Variants in MUC6 observed in about 807,000 individuals in gnomAD.
MUC6 encodes mucin 6, oligomeric mucus/gel-forming (gene/pseudogene), also known as mucin-6.
In MUC6, 188 loss-of-function variants were observed where a neutral mutation model predicts 201.5. The observed-to-expected ratio is 0.93, with a 90% CI of 0.83 to 1.05. MUC6 has a LOEUF of 1.05. MUC6 is among the 50% of genes least tolerant of loss of function. The probability of loss-of-function intolerance (pLI) is 0.00; values close to 1 mark genes in which losing one functional copy is unlikely to be tolerated. For missense variants in MUC6, 2,706 were observed against 3,256.9 expected (o/e 0.83, Z 4.12); for synonymous variants, 1,228 against 1,389.4 (o/e 0.88, Z 2.58).
intron 31 of MUC6, among the ~76,000 whole-genome samples, chr11:1,014,735 C>T (rs868036599): frequency 6.6e-6 from 1 of 152,174 alleles, no homozygotes; most frequent in African/African-American, 2.4e-5. Flanking sequence ...AGCTTCGTTT[C>T]CTGGCTGCAG....
In MUC6 at chr11:1,031,801, C is replaced by A; in HGVS notation, c.356+12G>T. 1 of 1,588,608 alleles carries A rather than the reference C, an allele frequency of 6.3e-7. No homozygotes were observed. Among genetic ancestry groups the A allele is most frequent in the Non-Finnish European group, 8.6e-7 (1 of 1,168,280 alleles). On this transcript the variant is annotated intron_variant, in intron 3 of 32. Coordinates refer to ENST00000421673, the MANE Select transcript of MUC6 (RefSeq NM_005961.3). ...GCCCCCGAGCCCCCGGGCCCCGGCC[C>A]ACCTGACCTACCCGATGTCCTTGAC...
intron 21 of MUC6, 25 bp downstream of exon 21, chr11:1,025,975 C>G (rs367677082): frequency 6.3e-6 from 10 of 1,589,266 alleles, no homozygotes; most frequent in South Asian, 1.1e-5. Flanking sequence ...TCCCCGGCCC[C>G]TGCGGCCTGG....
At chr11:1,030,388 T>A in intron 7 of MUC6, 53 bp from the exon 8 acceptor site, 2 of 535,426 alleles carry the variant, frequency 3.7e-6, no homozygotes, top group Non-Finnish European at 5.1e-6. Context: ...CACCCCTCCC[T>A]GCCCCACCCC....
chr11:1,034,068 C>G (rs1201718028), intron 1 of MUC6, among the ~76,000 whole-genome samples: 1 of 152,192 alleles, frequency 6.6e-6, no homozygotes, highest in Non-Finnish European at 1.5e-5. Context: ...CGCTGGACAC[C>G]TGTGTCTCCG....
chr11:1,027,349 C>A lies in MUC6; in HGVS notation c.2150G>T (p.Arg717Leu), dbSNP rs373330810. ...TYLNQKGECV[R>L]KAQCPCILEG... ...CAGTATGCACGGGCACTGGGCCTTG[C>A]GCACACACTCGCCCTTTTGGTTCAG... The change falls in exon 17 of 33, where the codon CGC becomes CTC. Residue 717 changes from arginine (R) to leucine (L), a missense_variant. By Grantham distance (102) the Arg-to-Leu change is moderately radical. This residue lies in a region of MUC6 where 1,850 missense variants were observed against 1,958.3 expected (regional missense o/e 0.94). Coordinates refer to ENST00000421673, the MANE Select transcript of MUC6 (RefSeq NM_005961.3). The A allele has an allele frequency of 6.2e-7, 1 of 1,612,972 alleles. No individual in the cohort carries two copies. Among genetic ancestry groups the A allele is most frequent in the Non-Finnish European group, 8.5e-7 (1 of 1,179,848 alleles).
Position 1,026,130 on chromosome 11 carries a change from C to T in MUC6, c.2558G>A (p.Arg853Lys), listed in dbSNP as rs1856953953. ...GCCCTGCTGACAGGCCCACCTCCCC[C>T]TTGAGCAGGAGCTGTGGAGACAGCA... ...HTDCRTCSCS[R>K]GRWACQQGTH... Residue 853 changes from arginine to lysine, a missense_variant, in exon 21 of 33, where the codon AGG (arginine) becomes AAG (lysine). Arg to Lys is a conservative substitution (Grantham distance 26, BLOSUM62 2). This residue lies in a region of MUC6 where 1,850 missense variants were observed against 1,958.3 expected (regional missense o/e 0.94). Transcript: ENST00000421673. The T allele has an allele frequency of 5.0e-6, 8 of 1,597,128 alleles. No homozygotes were observed. The highest frequency in any genetic ancestry group is 6.0e-6 in the Non-Finnish European group (7 of 1,172,944).
chr11:1,016,371 A>T lies in MUC6; in HGVS notation c.6430T>A (p.Tyr2144Asn), dbSNP rs376333677. 1 of 1,612,264 alleles carries T rather than the reference A, an allele frequency of 6.2e-7. No homozygotes were observed. The highest frequency in any genetic ancestry group is 1.3e-5 in the African/African-American group (1 of 74,828). ...GGAGAGGAGTGGGAGGAGGGCACATAAGAAGAAACAGTAGAGGGGGCAGAA... is the reference window on the plus strand; with the variant it reads ...GGAGAGGAGTGGGAGGAGGGCACATTAGAAGAAACAGTAGAGGGGGCAGAA... ...SPSAPSTVSS[Y>N]VPSSHSSPQT... Residue 2144 changes from tyrosine (Y) to asparagine (N), a missense_variant, in exon 31 of 33, where the codon TAT (tyrosine) becomes AAT (asparagine). Tyr to Asn is a moderately radical substitution (Grantham distance 143). Around this residue, in one of 10 missense-constraint regions of MUC6, gnomAD observed 586 missense variants for 488.0 expected, o/e 1.20. Transcript: ENST00000421673.
chr11:1,031,131 G>A, intron 5 of MUC6, 38 bp downstream of exon 5: 1 of 1,134,860 alleles, frequency 8.8e-7, no homozygotes, highest in Non-Finnish European at 1.2e-6. Flanking sequence ...CCCACCTAGA[G>A]GCCCCCCCAG....
At chr11:1,022,704 C>T (rs576424304) in intron 26 of MUC6, among the ~76,000 whole-genome samples, 5 of 152,236 alleles carry the variant, frequency 3.3e-5, no homozygotes, top group Non-Finnish European at 7.3e-5. Flanking sequence ...GACCTGGAGC[C>T]GGCCTGGAGG....
In MUC6 at chr11:1,016,189, G is replaced by A; in HGVS notation, c.6612C>T (p.Ala2204=). The part of the protein sequence containing the change: ...ASPLFPSSPA[A]STTIRATLPH... Reference sequence around the variant, plus strand: ...GGAGAGTGGCCCTAATGGTAGTAGAGGCAGCTGGAGAAGAAGGAAAAAGAG... The same window carrying A: ...GGAGAGTGGCCCTAATGGTAGTAGAAGCAGCTGGAGAAGAAGGAAAAAGAG... Residue 2204 remains alanine (A), a synonymous_variant, in exon 31 of 33, where the codon GCC becomes GCT. Transcript: ENST00000421673. The A allele has an allele frequency of 1.2e-6, 2 of 1,613,426 alleles. No individual in the cohort carries two copies. Among genetic ancestry groups the A allele is most frequent in the East Asian group, 4.5e-5 (2 of 44,882 alleles).
intron 29 of MUC6, 173 bp downstream of exon 29, chr11:1,019,917 G>GT (rs1180492773): frequency 1.0e-5 from 9 of 899,192 alleles, no homozygotes; most frequent in Non-Finnish European, 1.4e-5. Flanking sequence ...GTCTTTAAAA[G>GT]TTTTTCCGAA....
chr11:1,015,910 G>C lies in MUC6; in HGVS notation c.6891C>G (p.Thr2297=). Residue 2297 remains threonine (T), a synonymous_variant, in exon 31 of 33, where the codon ACC becomes ACG. Transcript: ENST00000421673. ...SLTSGVTGIP[T]SPVTNLTTRH... ...TGGTGGTAAGGTTGGTGACTGGAGA[G>C]GTGGGGATACCCGTCACCCCCGAGG... 1.2e-6 allele frequency: 2 copies of C among 1,606,740 alleles called. No individual in the cohort carries two copies. The highest frequency in any genetic ancestry group is 1.1e-5 in the South Asian group (1 of 89,690).
Position 1,031,724 on chromosome 11 carries a change from G to C in MUC6, c.366C>G (p.Ser122Arg). 1 of 1,550,620 alleles carries C rather than the reference G, an allele frequency of 6.4e-7. No individual in the cohort carries two copies. Among genetic ancestry groups the C allele is most frequent in the Non-Finnish European group, 8.7e-7 (1 of 1,146,938 alleles). ...GGAGTCCATTGCTGGTATAGGGCAG[G>C]CTGATGACCCTGTGGGGCAAGGGAA... Reference protein sequence around the residue: ...IISVKDIGVISLPYTSNGLQI... With the variant: ...IISVKDIGVIRLPYTSNGLQI... Residue 122 changes from serine to arginine, a missense_variant, in exon 4 of 33, where the codon AGC becomes AGG. Transcript: ENST00000421673.
chr11:1,022,600 C>T (rs548430572), intron 26 of MUC6, among the ~76,000 whole-genome samples: 3 of 152,288 alleles, frequency 2.0e-5, no homozygotes, highest in South Asian at 2.1e-4. Context: ...GCGCCTCGGC[C>T]GACACTGGGT....
At position 1,030,733 on chromosome 11, in the gene MUC6, G is replaced by A. The variant is rs1408285997; in HGVS notation, c.732C>T (p.Ser244=). The change falls in exon 7 of 33, where the codon AGC becomes AGT. Residue 244 remains serine, a synonymous_variant. Transcript: ENST00000421673. ...QLLTLVAPEC[S]VSKEPFVLSC... The stretch of plus-strand genomic sequence containing the variant: ...TTAGCACGAAGGGCTCCTTGGACAC[G>A]CTGCACTCAGGGGCCACCAGGGTCA... 1 of 1,542,860 alleles carries A rather than the reference G, an allele frequency of 6.5e-7. No homozygotes were observed. Among genetic ancestry groups the A allele is most frequent in the Non-Finnish European group, 8.7e-7 (1 of 1,147,740 alleles).
chr11:1,016,145 G>A lies in MUC6; in HGVS notation c.6656C>T (p.Pro2219Leu), dbSNP rs200830518. 1.2e-6 allele frequency: 2 copies of A among 1,613,726 alleles called. No homozygotes were observed. Among genetic ancestry groups the A allele is most frequent in the Admixed American group, 1.7e-5 (1 of 59,994 alleles). The change falls in exon 31 of 33, where the codon CCT (proline) becomes CTT (leucine). Residue 2219 changes from proline to leucine, a missense_variant. By Grantham distance (98) the Pro-to-Leu change is moderately conservative. Coordinates refer to ENST00000421673, the MANE Select transcript of MUC6 (RefSeq NM_005961.3). ...RATLPHTISS[P>L]FTLSALLPIS... The stretch of plus-strand genomic sequence containing the variant: ...GGGGAGTAGAGCAGAGAGGGTGAAA[G>A]GAGAGGAGATAGTGTGGGGGAGAGT...
At position 1,016,257 on chromosome 11, in the gene MUC6, AGGAGTGTGACCCCGAGCTCAGGGTTGT is replaced by A; in HGVS notation, c.6517_6543del (p.Thr2173_Ser2181del). ...GCAGTCGTGGGATGAGTGGACAATG[AGGAGTGTGACCCCGAGCTCAGGGTTGT>A]GGAGTGCACGGGGGCGGACACGAAA... On this transcript the variant is annotated inframe_deletion, in exon 31 of 33. Coordinates refer to ENST00000421673, the MANE Select transcript of MUC6 (RefSeq NM_005961.3). 6.2e-7 allele frequency: 1 copy of A among 1,613,182 alleles called. No individual in the cohort carries two copies. Among genetic ancestry groups the A allele is most frequent in the Non-Finnish European group, 8.5e-7 (1 of 1,179,702 alleles).
At position 1,018,578 on chromosome 11, in the gene MUC6, G is replaced by A. The variant is rs764209708; in HGVS notation, c.4223C>T (p.Ser1408Phe). ...GACGGGACTCCCCGCCGTAGGCGGG[G>A]AGTGTGTGGTGTGTGGGGTTTGGGG... ...TTPQTPHTTH[S>F]PPTAGSPVPS... The change falls in exon 31 of 33, where the codon TCC (serine) becomes TTC (phenylalanine). Residue 1408 changes from serine to phenylalanine, a missense_variant. Around this residue, in one of 10 missense-constraint regions of MUC6, gnomAD observed 1,850 missense variants for 1,958.3 expected, o/e 0.94. Coordinates refer to ENST00000421673, the MANE Select transcript of MUC6 (RefSeq NM_005961.3). The A allele has an allele frequency of 1.2e-5, 19 of 1,613,502 alleles. No homozygotes were observed. Among genetic ancestry groups the A allele is most frequent in the Non-Finnish European group, 1.6e-5 (19 of 1,179,658 alleles).
chr11:1,025,287 A>G lies in MUC6; in HGVS notation c.2880T>C (p.Gly960=), dbSNP rs1332744635. 1 of 1,612,494 alleles carries G rather than the reference A, an allele frequency of 6.2e-7. No individual in the cohort carries two copies. Among genetic ancestry groups the G allele is most frequent in the African/African-American group, 1.3e-5 (1 of 74,890 alleles). The change falls in exon 23 of 33, where the codon GGT becomes GGC. Residue 960 remains glycine, a synonymous_variant. Transcript: ENST00000421673. ...TGATGTCCACGACAAGGCTCAGCGC[A>G]CCCGGCGTCACCCCGAGCTGCACGT... The part of the protein sequence containing the change: ...EPHVQLGVTP[G]ALSLVVDISI...
Sources: gnomAD v4.1 joint callset for allele counts (sites outside exome capture counted in the v4.1 genomes callset) on GRCh38, gnomAD v4.1.1 for gene constraint, gnomAD v4.1.1 regional missense constraint, MANE v1.5 for transcripts, NCBI Gene and HGNC (gene_info 2026-07-23, HGNC 2026-07-21) for gene names.